The following NTNG1 variants were observed in gnomAD, a reference collection of about 807,000 sequenced individuals.
NTNG1 encodes netrin G1.
Under a neutral mutation model 54.0 loss-of-function variants are expected in NTNG1, and 16 were observed. The ratio of observed to expected loss-of-function variants is 0.30; its 90% confidence interval spans 0.20 to 0.45. The LOEUF is 0.45. Among genes scored for constraint, NTNG1 ranks in the 20% least tolerant of loss-of-function variants. NTNG1 has a pLI of 1.00. For missense variants in NTNG1, 530 were observed against 678.7 expected, an observed-to-expected ratio of 0.78 and a Z score of 2.43; for synonymous variants, 255 against 263.1, an observed-to-expected ratio of 0.97 and a Z score of 0.30.
chr1:107,329,357 A>G (rs550915013), intron 3 of NTNG1, among the ~76,000 whole-genome samples: 1 of 152,164 alleles, frequency 6.6e-6, no homozygotes. Context: ...TTCTATGTGT[A>G]AACCTTATTC....
rs760352143 is a variant in NTNG1, at chr1:107,324,436, T to C, written c.401T>C (p.Ile134Thr). ...KEYPKPLQVN[I>T]TLSWSKTIEL... ...TATCCCAAGCCTCTCCAGGTTAACA[T>C]CACTCTGTCTTGGAGCAAAACCATT... is the stretch of plus-strand genomic sequence containing the variant. The change falls in exon 3 of 8, where the codon ATC becomes ACC. Residue 134 changes from isoleucine to threonine, a missense_variant. Ile to Thr is a moderately conservative substitution (Grantham distance 89, BLOSUM62 -1). This residue lies in a region of NTNG1 where 318 missense variants were observed against 465.1 expected (regional missense o/e 0.68). Coordinates refer to ENST00000370068, the MANE Select transcript of NTNG1 (RefSeq NM_001113226.3). The C allele has an allele frequency of 6.2e-7, 1 of 1,613,878 alleles. No individual in the cohort carries two copies. The highest frequency in any genetic ancestry group is 8.5e-7 in the Non-Finnish European group (1 of 1,179,866).
At chr1:107,460,241 T>C (rs908145963) in intron 7 of NTNG1, among the ~76,000 whole-genome samples, 6 of 152,142 alleles carry the variant, frequency 3.9e-5, no homozygotes, top group African/African-American at 1.4e-4. Flanking sequence ...CATCAAACCA[T>C]GGCCTGCACA....
At chr1:107,462,215 G>A (rs2101545530) in intron 7 of NTNG1, among the ~76,000 whole-genome samples, 1 of 152,284 alleles carries the variant, frequency 6.6e-6, no homozygotes, top group Middle Eastern at 3.4e-3. Context: ...CTGTTTCGTG[G>A]AGAAAGAAAC....
intron 3 of NTNG1, among the ~76,000 whole-genome samples, chr1:107,383,968 G>T (rs988526162): frequency 1.3e-5 from 2 of 152,192 alleles, no homozygotes; most frequent in South Asian, 2.1e-4. Context: ...CAAGCCTTTT[G>T]CCTACCAGTC....
chr1:107,460,460 C>A (rs1256317802), intron 7 of NTNG1: 1 of 516,702 alleles, frequency 1.9e-6, no homozygotes, highest in Non-Finnish European at 3.9e-6. Flanking sequence ...ACAAAGAAAT[C>A]CAATAGTTTT....
At chr1:107,478,899 T>G (rs1678512556) in intron 7 of NTNG1, among the ~76,000 whole-genome samples, 1 of 152,274 alleles carries the variant, frequency 6.6e-6, no homozygotes, top group Admixed American at 6.5e-5. Flanking sequence ...ATGTGGACTT[T>G]GCTTCACAGC....
intron 3 of NTNG1, among the ~76,000 whole-genome samples, chr1:107,379,919 G>A (rs1447930346): frequency 6.6e-6 from 1 of 152,166 alleles, no homozygotes; most frequent in South Asian, 2.1e-4. Context: ...GCTATTCTCA[G>A]AACTATCTCC....
At chr1:107,415,219 G>A (rs1025060912) in intron 5 of NTNG1, among the ~76,000 whole-genome samples, 8 of 152,048 alleles carry the variant, frequency 5.3e-5, no homozygotes, top group South Asian at 2.1e-4. Flanking sequence ...CAAGCATATC[G>A]TGATCCTTCC....
At chr1:107,376,273 T>C (rs1046655031) in intron 3 of NTNG1, among the ~76,000 whole-genome samples, 3 of 151,902 alleles carry the variant, frequency 2.0e-5, no homozygotes, top group African/African-American at 7.3e-5. Context: ...CTGGGCGCGG[T>C]GGCGGGCGCC....
At chr1:107,424,764 T>A (rs1314549700) in intron 5 of NTNG1, among the ~76,000 whole-genome samples, 1 of 152,110 alleles carries the variant, frequency 6.6e-6, no homozygotes, top group Non-Finnish European at 1.5e-5. Flanking sequence ...TGGAAATTCT[T>A]GGAAGGCAGT....
chr1:107,166,932 T>C (rs576743235), intron 2 of NTNG1, among the ~76,000 whole-genome samples: 3 of 152,212 alleles, frequency 2.0e-5, no homozygotes, highest in South Asian at 2.1e-4. Context: ...TGCTTTTATT[T>C]AGAGATGGGT....
chr1:107,335,179 T>C (rs984534216), intron 3 of NTNG1, among the ~76,000 whole-genome samples: 9 of 152,010 alleles, frequency 5.9e-5, no homozygotes, highest in African/African-American at 2.2e-4. Context: ...ATCCCTTTCC[T>C]GGATGAAGAG....
chr1:107,286,822 T>C (rs79209381), intron 2 of NTNG1, among the ~76,000 whole-genome samples: 2,116 of 152,282 alleles, frequency 0.014, 47 homozygotes, highest in African/African-American at 0.048. Flanking sequence ...ATGTCCATAA[T>C]TTCCTTTATT....
chr1:107,309,034 T>C (rs1265874315), intron 2 of NTNG1, among the ~76,000 whole-genome samples: 3 of 152,164 alleles, frequency 2.0e-5, no homozygotes, highest in Non-Finnish European at 4.4e-5. Flanking sequence ...CTACTTCCAG[T>C]CAAACTCTTG....
intron 7 of NTNG1, among the ~76,000 whole-genome samples, chr1:107,474,589 A>T (rs1678191861): frequency 6.6e-6 from 1 of 152,182 alleles, no homozygotes; most frequent in South Asian, 2.1e-4. Context: ...AATACCACAC[A>T]CTGGGTAATT....
intron 2 of NTNG1, among the ~76,000 whole-genome samples, chr1:107,212,040 A>G (rs928192874): frequency 6.6e-6 from 1 of 152,148 alleles, no homozygotes; most frequent in Admixed American, 6.6e-5. Context: ...TAGATGTATT[A>G]AAACATTTAA....
At chr1:107,372,609 T>G (rs1670989775) in intron 3 of NTNG1, among the ~76,000 whole-genome samples, 1 of 152,116 alleles carries the variant, frequency 6.6e-6, no homozygotes, top group South Asian at 2.1e-4. Flanking sequence ...ATGAAAAGAA[T>G]GCATAATCTG....
chr1:107,172,993 A>G (rs758637206), intron 2 of NTNG1, among the ~76,000 whole-genome samples: 8 of 152,126 alleles, frequency 5.3e-5, no homozygotes, highest in Admixed American at 4.6e-4. Flanking sequence ...TTCAGAAGAG[A>G]TGACTTTTCT....
chr1:107,172,666 T>C (rs1036399949), intron 2 of NTNG1, among the ~76,000 whole-genome samples: 10 of 152,176 alleles, frequency 6.6e-5, no homozygotes, highest in Non-Finnish European at 2.9e-5. Flanking sequence ...ATACTGACTA[T>C]GCTTTTAAAA....
Sources: allele counts gnomAD v4.1 joint callset (sites outside exome capture counted in the v4.1 genomes callset), GRCh38; gene constraint gnomAD v4.1.1; regional missense constraint gnomAD v4.1.1; transcripts MANE v1.5; gene names NCBI Gene and HGNC (gene_info 2026-07-23, HGNC 2026-07-21).